The following GPC5 variants were observed in gnomAD, a reference collection of about 807,000 sequenced individuals.
GPC5 encodes the protein glypican 5.
In GPC5, 47 loss-of-function variants were observed where a neutral mutation model predicts 53.9. The ratio of observed to expected loss-of-function variants is 0.87; its 90% CI spans 0.69 to 1.11. GPC5 has a LOEUF of 1.11. Ranked by LOEUF, GPC5 falls within the 50% of genes most tolerant of loss-of-function variation. The pLI is 0.00. For synonymous variants in GPC5, 286 were observed against 263.3 expected, an observed-to-expected ratio of 1.09 and a Z score of -0.84; for missense variants, 748 against 713.1, an observed-to-expected ratio of 1.05 and a Z score of -0.56.
At chr13:92,362,377 T>C (rs571495590) in intron 7 of GPC5, among the ~76,000 whole-genome samples, 2 of 151,904 alleles carry the variant, frequency 1.3e-5, no homozygotes, top group South Asian at 2.1e-4. Context: ...GTGAAACTTT[T>C]GATAAAGGGT....
At chr13:91,548,846 G>A (rs770609676) in intron 2 of GPC5, among the ~76,000 whole-genome samples, 10 of 152,174 alleles carry the variant, frequency 6.6e-5, no homozygotes, top group Non-Finnish European at 1.0e-4. Flanking sequence ...CAATACAAAG[G>A]AGCAAAGATA....
At chr13:92,513,276 A>AG (rs914782016) in intron 7 of GPC5, among the ~76,000 whole-genome samples, 25 of 152,154 alleles carry the variant, frequency 1.6e-4, no homozygotes, top group Admixed American at 5.9e-4. Context: ...CAGTGTGCTT[A>AG]GGGGTCTATT....
At chr13:92,753,171 T>TCCCTGAC (rs1293153227) in intron 7 of GPC5, among the ~76,000 whole-genome samples, 1 of 152,036 alleles carries the variant, frequency 6.6e-6, no homozygotes, top group African/African-American at 2.4e-5. Flanking sequence ...CTAAAGTGGG[T>TCCCTGAC]CCCTGACCCC....
intron 7 of GPC5, among the ~76,000 whole-genome samples, chr13:92,747,276 T>A (rs945220174): frequency 1.1e-4 from 17 of 152,146 alleles, no homozygotes; most frequent in African/African-American, 3.6e-4. Flanking sequence ...GAGGAAATCG[T>A]TTTAAAGGAC....
chr13:91,615,152 A>G (rs1283873459), intron 2 of GPC5, among the ~76,000 whole-genome samples: 2 of 152,200 alleles, frequency 1.3e-5, no homozygotes, highest in African/African-American at 4.8e-5. Flanking sequence ...TAATTAAGAT[A>G]AAGGTTCAGT....
intron 3 of GPC5, among the ~76,000 whole-genome samples, chr13:91,716,166 C>G (rs2036334471): frequency 6.6e-6 from 1 of 151,922 alleles, no homozygotes; most frequent in Non-Finnish European, 1.5e-5. Context: ...GAATGATGGG[C>G]ATTAGTTTTC....
intron 7 of GPC5, among the ~76,000 whole-genome samples, chr13:92,782,238 A>T (rs555055384): frequency 6.6e-6 from 1 of 152,278 alleles, no homozygotes; most frequent in East Asian, 1.9e-4. Flanking sequence ...TCTACTTTAC[A>T]TTCTTCCATA....
chr13:92,276,195 A>C (rs57179701), intron 7 of GPC5, among the ~76,000 whole-genome samples: 1 of 151,976 alleles, frequency 6.6e-6, no homozygotes, highest in African/African-American at 2.4e-5. Context: ...TGCATGTCAA[A>C]TTTTGTTCCT....
intron 7 of GPC5, among the ~76,000 whole-genome samples, chr13:92,679,838 G>A (rs996798862): frequency 2.0e-5 from 3 of 151,930 alleles, no homozygotes; most frequent in African/African-American, 7.3e-5. Flanking sequence ...GCTCGCGTGC[G>A]TGCTCTCTCT....
chr13:92,556,219 T>C (rs1391448973), intron 7 of GPC5, among the ~76,000 whole-genome samples: 1 of 151,820 alleles, frequency 6.6e-6, no homozygotes, highest in Non-Finnish European at 1.5e-5. Context: ...TCTACATTCA[T>C]GCCATCACCC....
At chr13:91,681,642 C>T (rs2035511495) in intron 2 of GPC5, among the ~76,000 whole-genome samples, 1 of 151,846 alleles carries the variant, frequency 6.6e-6, no homozygotes, top group Non-Finnish European at 1.5e-5. Flanking sequence ...GGTAGAAGAG[C>T]AACAATATTT....
intron 6 of GPC5, among the ~76,000 whole-genome samples, chr13:92,111,625 T>A (rs1399951852): frequency 6.6e-6 from 1 of 152,038 alleles, no homozygotes; most frequent in Non-Finnish European, 1.5e-5. Flanking sequence ...GCATAAGTGC[T>A]ATAGCAAGGT....
chr13:92,746,721 C>A (rs2079060407), intron 7 of GPC5, among the ~76,000 whole-genome samples: 1 of 152,080 alleles, frequency 6.6e-6, no homozygotes, highest in South Asian at 2.1e-4. Context: ...ATGTGGGTAA[C>A]ATTCATGTAA....
At chr13:91,535,019 G>C (rs917201799) in intron 2 of GPC5, among the ~76,000 whole-genome samples, 1 of 152,040 alleles carries the variant, frequency 6.6e-6, no homozygotes, top group African/African-American at 2.4e-5. Flanking sequence ...CCATTAAATG[G>C]CCTGTGAAGA....
chr13:91,425,395 A>G (rs949731797), intron 1 of GPC5, among the ~76,000 whole-genome samples: 1 of 152,140 alleles, frequency 6.6e-6, no homozygotes, highest in African/African-American at 2.4e-5. Flanking sequence ...TGTAATCTCC[A>G]AGTGTTTAGG....
chr13:92,017,057 A>G (rs2040714224), intron 6 of GPC5, among the ~76,000 whole-genome samples: 1 of 152,026 alleles, frequency 6.6e-6, no homozygotes, highest in African/African-American at 2.4e-5. Flanking sequence ...GGGAATCTCT[A>G]CACCAACCCA....
At chr13:92,857,932 A>G (rs895844480) in intron 7 of GPC5, among the ~76,000 whole-genome samples, 1 of 152,226 alleles carries the variant, frequency 6.6e-6, no homozygotes, top group Non-Finnish European at 1.5e-5. Flanking sequence ...AAATAAAAAC[A>G]GAACTACCAT....
chr13:92,027,637 T>C (rs1369823718), intron 6 of GPC5, among the ~76,000 whole-genome samples: 2 of 152,304 alleles, frequency 1.3e-5, no homozygotes, highest in East Asian at 3.9e-4. Flanking sequence ...AAGGACTGAA[T>C]CTGAATACCT....
intron 7 of GPC5, among the ~76,000 whole-genome samples, chr13:92,331,574 T>C (rs188059682): frequency 2.2e-4 from 33 of 152,178 alleles, no homozygotes; most frequent in African/African-American, 7.5e-4. Context: ...TGTTAATAAC[T>C]GGTAAGATTT....
Sources: allele counts gnomAD v4.1 joint callset (sites outside exome capture counted in the v4.1 genomes callset), GRCh38; gene constraint gnomAD v4.1.1; transcripts MANE v1.5; gene names NCBI Gene and HGNC (gene_info 2026-07-23, HGNC 2026-07-21).